The following ADAMTS2 variants were observed in gnomAD, a reference collection of about 807,000 sequenced individuals.
The protein encoded by ADAMTS2 is A disintegrin and metalloproteinase with thrombospondin motifs 2.
Under a neutral mutation model 123.0 loss-of-function variants are expected in ADAMTS2, and 50 were observed. The ratio of observed to expected loss-of-function variants is 0.41; its 90% CI spans 0.32 to 0.51. The LOEUF is 0.51. Among genes scored for constraint, ADAMTS2 ranks in the 20% least tolerant of loss-of-function variants. The pLI is 0.35. For missense variants in ADAMTS2, 1,494 were observed against 1,705.2 expected, an observed-to-expected ratio of 0.88 and a Z score of 2.18; for synonymous variants, 678 against 695.4, an observed-to-expected ratio of 0.98 and a Z score of 0.39.
chr5:179,216,531 A>C (rs1305646033), intron 3 of ADAMTS2, among the ~76,000 whole-genome samples: 1 of 151,886 alleles, frequency 6.6e-6, no homozygotes, highest in East Asian at 1.9e-4. Flanking sequence ...CGTGGTCCCC[A>C]CCTGGGCCCT....
rs1763617446 is a variant in ADAMTS2, at chr5:179,162,610, C to T, written c.976-3731G>A. On this transcript the variant is annotated intron_variant, in intron 5 of 21. Transcript: ENST00000251582. The surrounding 1 kb of genome is among the most constrained non-coding windows in gnomAD (Gnocchi z 5.1). ...GTCAGCTTTACCCCACACGGTCGCC[C>T]CTGCTCGAGGGACCCAAGAGACAAC... Among the ~76,000 whole-genome samples, 1 of 152,170 alleles carries T rather than the reference C, an allele frequency of 6.6e-6. No individual in the cohort carries two copies. The highest frequency in any genetic ancestry group is 1.5e-5 in the Non-Finnish European group (1 of 68,038).
At position 179,332,621 on chromosome 5, in the gene ADAMTS2, G is replaced by A. The variant is rs1247185422; in HGVS notation, c.534+11146C>T. Among the ~76,000 whole-genome samples the A allele has an allele frequency of 1.3e-5, 2 of 149,564 alleles. No homozygotes were observed. The highest frequency in any genetic ancestry group is 4.3e-4 in the South Asian group (2 of 4,644). On this transcript the variant is annotated intron_variant, in intron 2 of 21. Coordinates refer to ENST00000251582, the MANE Select transcript of ADAMTS2 (RefSeq NM_014244.5). The surrounding 1 kb of genome is among the most constrained non-coding windows in gnomAD (Gnocchi z 4.2). ...CTGTGACCCAACCTGCATTGCCCCA[G>A]AAGCCCAGACCTCAGCTCAGGGCCA...
At chr5:179,224,771 G>A (rs1765240534) in intron 3 of ADAMTS2, among the ~76,000 whole-genome samples, 1 of 152,202 alleles carries the variant, frequency 6.6e-6, no homozygotes, top group Non-Finnish European at 1.5e-5. Flanking sequence ...TGTAGGTGCT[G>A]TGCTGCTTGT....
intron 5 of ADAMTS2, among the ~76,000 whole-genome samples, chr5:179,173,645 G>C (rs1201727036): frequency 1.3e-5 from 2 of 152,220 alleles, no homozygotes; most frequent in Non-Finnish European, 2.9e-5. Context: ...CCACAGCTGG[G>C]ATCACTGCTT....
At chr5:179,331,117 T>C (rs1757465133) in intron 2 of ADAMTS2, among the ~76,000 whole-genome samples, 2 of 151,044 alleles carry the variant, frequency 1.3e-5, no homozygotes, top group Non-Finnish European at 2.9e-5. Context: ...CGTTGTTGGT[T>C]CCCAGAATGT....
At chr5:179,187,600 C>A (rs911850027) in intron 4 of ADAMTS2, among the ~76,000 whole-genome samples, 1 of 152,134 alleles carries the variant, frequency 6.6e-6, no homozygotes, top group Non-Finnish European at 1.5e-5. Context: ...CCCCTCCCCT[C>A]CCCCCAGCAG....
intron 5 of ADAMTS2, among the ~76,000 whole-genome samples, chr5:179,179,642 T>A (rs1207538497): frequency 6.6e-6 from 1 of 152,182 alleles, no homozygotes; most frequent in Non-Finnish European, 1.5e-5. Context: ...AGGATTTGTT[T>A]TGGGATGTTT....
At position 179,151,992 on chromosome 5, in the gene ADAMTS2, G is replaced by A. The variant is rs1283404229; in HGVS notation, c.1629+150C>T. Reference sequence around the variant, plus strand: ...GGCAGCTCCGGCGTACAGCGTGTGAGGGGTAATTAGAAGGGGGAAAGGAGA... The same window carrying A: ...GGCAGCTCCGGCGTACAGCGTGTGAAGGGTAATTAGAAGGGGGAAAGGAGA... On this transcript the variant is annotated intron_variant, in intron 10 of 21. Coordinates refer to ENST00000251582, the MANE Select transcript of ADAMTS2 (RefSeq NM_014244.5). The A allele has an allele frequency of 4.4e-6, 3 of 674,222 alleles. No homozygotes were observed. The African/African-American group carries it at 5.4e-5, about 12-fold the overall frequency. 41.8% of individuals were successfully genotyped at this position (674,222 alleles called of 1,614,324 possible).
At position 179,260,311 on chromosome 5, in the gene ADAMTS2, G is replaced by A. The variant is rs1036563193; in HGVS notation, c.688+12600C>T. On this transcript the variant is annotated intron_variant, in intron 3 of 21. Transcript: ENST00000251582. This position sits in a 1 kb window ranked among gnomAD's most constrained non-coding sequence, Gnocchi z 4.2. ...CACTATGCTTATTCTTTCTTTTCACGGATATTTACGCACCAACCGTGTGCC... is the reference window on the plus strand; with the variant it reads ...CACTATGCTTATTCTTTCTTTTCACAGATATTTACGCACCAACCGTGTGCC... Among the ~76,000 whole-genome samples the A allele has an allele frequency of 6.6e-6, 1 of 152,178 alleles. No individual in the cohort carries two copies. Among genetic ancestry groups the A allele is most frequent in the African/African-American group, 2.4e-5 (1 of 41,438 alleles).
chr5:179,164,441 C>A (rs1763658190), intron 5 of ADAMTS2, among the ~76,000 whole-genome samples: 1 of 152,274 alleles, frequency 6.6e-6, no homozygotes, highest in African/African-American at 2.4e-5. Flanking sequence ...GGGTCAGGAC[C>A]TGGTGGCAGG....
chr5:179,127,271 C>T (rs1160484319), intron 17 of ADAMTS2, among the ~76,000 whole-genome samples: 1 of 152,086 alleles, frequency 6.6e-6, no homozygotes, highest in Admixed American at 6.5e-5. Flanking sequence ...GGTGTGGGGC[C>T]GGGGGTGCCC....
rs547365705 is a variant in ADAMTS2 at position 179,289,288 on chromosome 5, T to C, written c.535-16224A>G. Among the ~76,000 whole-genome samples, 7 of 152,230 alleles carry C rather than the reference T, an allele frequency of 4.6e-5. No individual in the cohort carries two copies. In the South Asian group the frequency reaches 1.5e-3, roughly 32 times the overall value. ...ACAATAATAAATGATAGTAATAGGT[T>C]AGAACCCATTGAATAAAATAAATAT... On this transcript the variant is annotated intron_variant, in intron 2 of 21. Coordinates refer to ENST00000251582, the MANE Select transcript of ADAMTS2 (RefSeq NM_014244.5).
Position 179,225,426 on chromosome 5 carries a change from T to C in ADAMTS2, c.689-17711A>G, listed in dbSNP as rs1004566858. On this transcript the variant is annotated intron_variant, in intron 3 of 21. Coordinates refer to ENST00000251582, the MANE Select transcript of ADAMTS2 (RefSeq NM_014244.5). This position sits in a 1 kb window ranked among gnomAD's most constrained non-coding sequence, Gnocchi z 4.5. ...TAAGGGCTCCACCCTCACGGACCTA[T>C]GTGAGGACAGGCACTCTTGCCTTTG... Among the ~76,000 whole-genome samples, 5 of 152,316 alleles carry C rather than the reference T, an allele frequency of 3.3e-5. No individual in the cohort carries two copies. In the South Asian group the frequency reaches 1.0e-3, roughly 32 times the overall value.
rs185402221 is a variant in ADAMTS2 at position 179,154,233 on chromosome 5, C to T, written c.1239-41G>A. On this transcript the variant is annotated intron_variant, in intron 7 of 21. Coordinates refer to ENST00000251582, the MANE Select transcript of ADAMTS2 (RefSeq NM_014244.5). Reference sequence around the variant, plus strand: ...CAGCTGGCTGAATCCCACTGGCACACGGGTCTGCCAGTCCCACCCCACCCC... The same window carrying T: ...CAGCTGGCTGAATCCCACTGGCACATGGGTCTGCCAGTCCCACCCCACCCC... 361 of 1,537,118 alleles carry T rather than the reference C, an allele frequency of 2.3e-4. No homozygotes were observed. In the African/African-American group the frequency reaches 3.7e-3, roughly 16 times the overall value.
At chr5:179,222,788 G>A (rs1561813636) in intron 3 of ADAMTS2, among the ~76,000 whole-genome samples, 1 of 152,150 alleles carries the variant, frequency 6.6e-6, no homozygotes, top group East Asian at 1.9e-4. Flanking sequence ...TCACAGCATT[G>A]CATGTTGTGA....
intron 4 of ADAMTS2, among the ~76,000 whole-genome samples, chr5:179,195,308 G>A (rs917464342): frequency 1.3e-5 from 2 of 152,106 alleles, no homozygotes; most frequent in South Asian, 4.1e-4. Flanking sequence ...CAACAGCCCC[G>A]GGAGTTGGCA....
chr5:179,153,431 T>TCCCCCC, intron 9 of ADAMTS2, 60 bp downstream of exon 9: 2 of 1,597,664 alleles, frequency 1.3e-6, no homozygotes, highest in Non-Finnish European at 1.7e-6. Flanking sequence ...GAGCTGCCCC[T>TCCCCCC]ACACCAGCAC....
At chr5:179,169,488 G>T (rs886786899) in intron 5 of ADAMTS2, among the ~76,000 whole-genome samples, 1 of 152,238 alleles carries the variant, frequency 6.6e-6, no homozygotes, top group African/African-American at 2.4e-5. Context: ...GTAGGTCTGG[G>T]TGAGGAGGTG....
At chr5:179,196,782 T>C (rs1764442247) in intron 4 of ADAMTS2, among the ~76,000 whole-genome samples, 1 of 152,256 alleles carries the variant, frequency 6.6e-6, no homozygotes, top group East Asian at 1.9e-4. Flanking sequence ...TCATAGTGAA[T>C]GTTCTCAGCT....
Sources: allele counts gnomAD v4.1 joint callset (sites outside exome capture counted in the v4.1 genomes callset), GRCh38; gene constraint gnomAD v4.1.1; non-coding constraint Gnocchi (gnomAD v3.1); transcripts MANE v1.5; gene names NCBI Gene and HGNC (gene_info 2026-07-23, HGNC 2026-07-21).